The following FOXP1 variants were observed in gnomAD, a reference collection of about 807,000 sequenced individuals.
FOXP1 encodes the protein forkhead box protein P1.
Under a neutral mutation model 98.2 loss-of-function variants are expected in FOXP1, and 15 were observed. The ratio of observed to expected loss-of-function variants is 0.15; its 90% CI spans 0.10 to 0.24. The LOEUF is 0.24. Ranked by LOEUF, FOXP1 falls within the 10% of genes least tolerant of loss-of-function variation. The pLI, the probability that FOXP1 is intolerant of heterozygous loss-of-function variation, is 1.00. For missense variants in FOXP1, 633 were observed against 848.5 expected (o/e 0.75, Z 3.15); for synonymous variants, 371 against 314.5 (o/e 1.18, Z -1.90).
chr3:71,044,783 C>T (rs765831606), intron 10 of FOXP1, among the ~76,000 whole-genome samples: 1 of 152,158 alleles, frequency 6.6e-6, no homozygotes, highest in Non-Finnish European at 1.5e-5. Flanking sequence ...GGACAGATGA[C>T]AGATTACTGT....
At chr3:71,054,383 C>T (rs904051542) in intron 7 of FOXP1, among the ~76,000 whole-genome samples, 1 of 152,208 alleles carries the variant, frequency 6.6e-6, no homozygotes, top group African/African-American at 2.4e-5. Context: ...ACCCGCTTTC[C>T]ATGACATTTC....
chr3:71,433,574 T>C (rs1343235531), intron 3 of FOXP1, among the ~76,000 whole-genome samples: 1 of 152,054 alleles, frequency 6.6e-6, no homozygotes, highest in East Asian at 1.9e-4. Context: ...GAAGGGTCTG[T>C]AAACTAAAAT....
intron 2 of FOXP1, among the ~76,000 whole-genome samples, chr3:71,494,084 A>T (rs1191578247): frequency 6.6e-6 from 1 of 152,220 alleles, no homozygotes; most frequent in East Asian, 1.9e-4. Flanking sequence ...TATGGATTAC[A>T]TAAGGAGCAA....
At chr3:71,583,044 T>C (rs1249179549) in intron 1 of FOXP1, among the ~76,000 whole-genome samples, 1 of 151,374 alleles carries the variant, frequency 6.6e-6, no homozygotes. Context: ...GCGCGCCCCC[T>C]CCCGCCGCGG....
Position 71,443,771 on chromosome 3 carries a change from C to A in FOXP1, c.-168+49655G>T, listed in dbSNP as rs1107719. Among the ~76,000 whole-genome samples the A allele has an allele frequency of 2.3e-4, 35 of 152,094 alleles. No homozygotes were observed. In the Middle Eastern group the frequency reaches 0.01, roughly 45 times the overall value. ...GTCATTTTTTTCTCACTTGTATATA[C>A]TTTTAAATAAAGAATGGAGGCTATT... On this transcript the variant is annotated intron_variant, in intron 3 of 20. Coordinates refer to ENST00000649528, the MANE Select transcript of FOXP1 (RefSeq NM_001349338.3).
chr3:71,549,991 C>T (rs1428454832), intron 2 of FOXP1, among the ~76,000 whole-genome samples: 1 of 150,620 alleles, frequency 6.6e-6, no homozygotes, highest in African/African-American at 2.4e-5. Context: ...TTTCAAAGAA[C>T]CTTATTTTTA....
intron 3 of FOXP1, among the ~76,000 whole-genome samples, chr3:71,377,072 G>C (rs933851743): frequency 6.6e-6 from 1 of 152,080 alleles, no homozygotes; most frequent in African/African-American, 2.4e-5. Flanking sequence ...TGATGTTAAG[G>C]TGTTAAAACG....
intron 6 of FOXP1, among the ~76,000 whole-genome samples, chr3:71,186,316 T>C (rs1284599167): frequency 2.0e-5 from 3 of 152,210 alleles, no homozygotes; most frequent in African/African-American, 7.2e-5. Context: ...TTTTATCTTG[T>C]AAGATGCTGT....
At chr3:71,145,528 C>G (rs531536433) in intron 6 of FOXP1, among the ~76,000 whole-genome samples, 4 of 151,982 alleles carry the variant, frequency 2.6e-5, no homozygotes, top group Non-Finnish European at 5.9e-5. Context: ...GGTGAAAGAG[C>G]GAGACTCCAT....
intron 17 of FOXP1, among the ~76,000 whole-genome samples, chr3:70,973,835 G>GCCC (rs56950015): frequency 5.4e-5 from 2 of 36,732 alleles, no homozygotes; most frequent in East Asian, 1.4e-3. Context: ...TTTGCACACC[G>GCCC]CCCCCCCCCC....
intron 5 of FOXP1, among the ~76,000 whole-genome samples, chr3:71,261,740 T>C (rs762148344): frequency 1.3e-5 from 2 of 152,182 alleles, no homozygotes; most frequent in African/African-American, 2.4e-5. Flanking sequence ...GACACACTGA[T>C]GTTACTCTCG....
chr3:71,541,489 T>G (rs2044808520), intron 2 of FOXP1, among the ~76,000 whole-genome samples: 1 of 152,188 alleles, frequency 6.6e-6, no homozygotes, highest in Non-Finnish European at 1.5e-5. Flanking sequence ...GGTTACAGTG[T>G]GAAGGACAAA....
chr3:71,168,411 C>T lies in FOXP1; in HGVS notation c.180+29791G>A, dbSNP rs566272030. Among the ~76,000 whole-genome samples, 4 of 152,206 alleles carry T rather than the reference C, an allele frequency of 2.6e-5. No homozygotes were observed. The South Asian group carries it at 6.2e-4, about 24-fold the overall frequency. On this transcript the variant is annotated intron_variant, in intron 6 of 20. Transcript: ENST00000649528. ...TATTATTAAACTGGAAAGAAAAATT[C>T]AACTGGAAAATTGTGCCTTGTCGGT... is the stretch of plus-strand genomic sequence containing the variant.
intron 7 of FOXP1, among the ~76,000 whole-genome samples, chr3:71,090,686 G>C (rs2055712873): frequency 6.6e-6 from 1 of 152,182 alleles, no homozygotes; most frequent in South Asian, 2.1e-4. Context: ...TCAGAGTGGG[G>C]AAGCATGATC....
chr3:70,979,316 AAAAAG>A (rs763953057), intron 14 of FOXP1, among the ~76,000 whole-genome samples: 7 of 96,492 alleles, frequency 7.3e-5, no homozygotes, highest in East Asian at 7.4e-4. Flanking sequence ...AAAAAAAAAA[AAAAAG>A]AAAAAAATAA....
At chr3:71,379,759 T>C (rs1311290557) in intron 3 of FOXP1, among the ~76,000 whole-genome samples, 1 of 152,222 alleles carries the variant, frequency 6.6e-6, no homozygotes, top group African/African-American at 2.4e-5. Context: ...GGCAATGTGG[T>C]GGAACTGAGT....
chr3:71,570,732 C>T (rs2047277613), intron 2 of FOXP1: 1 of 152,172 alleles, frequency 6.6e-6, no homozygotes, highest in East Asian at 1.9e-4. Context: ...GCTTTGGACA[C>T]ACATAAAAAT....
chr3:70,959,339 G>T lies in FOXP1; in HGVS notation c.1942C>A (p.Pro648Thr). The T allele has an allele frequency of 6.2e-7, 1 of 1,614,084 alleles. No homozygotes were observed. Residue 648 changes from proline (P) to threonine (T), a missense_variant, in exon 21 of 21, where the codon CCC (proline) becomes ACC (threonine). Around this residue, in one of 6 missense-constraint regions of FOXP1, gnomAD observed 150 missense variants for 163.7 expected, o/e 0.92. Transcript: ENST00000649528. ...TTGGCTGTTGTCACTAAGGACAGGG[G>T]CCCTTCAGCTTCCTCTGGATCGAGG... The part of the protein sequence containing the change: ...EPLDPEEAEG[P>T]LSLVTTANHS...
intron 2 of FOXP1, among the ~76,000 whole-genome samples, chr3:71,578,281 G>T (rs988410778): frequency 3.3e-5 from 5 of 151,978 alleles, no homozygotes; most frequent in African/African-American, 1.2e-4. Context: ...TTCAGTCACG[G>T]GTTAAATGAG....
Sources: allele counts gnomAD v4.1 joint callset (sites outside exome capture counted in the v4.1 genomes callset), GRCh38; gene constraint gnomAD v4.1.1; regional missense constraint gnomAD v4.1.1; transcripts MANE v1.5; gene names NCBI Gene and HGNC (gene_info 2026-07-23, HGNC 2026-07-21).